The following ACP4 variants were observed in gnomAD, a reference collection of about 807,000 sequenced individuals.
The protein encoded by ACP4 is testicular acid phosphatase.
In ACP4, 49 loss-of-function variants were observed where a neutral mutation model predicts 47.3. The ratio of observed to expected loss-of-function variants is 1.04; its 90% CI spans 0.82 to 1.32. The LOEUF (loss-of-function observed/expected upper bound fraction) is 1.32. Among genes scored for constraint, ACP4 ranks in the 40% most tolerant of loss-of-function variants. ACP4 has a pLI of 0.00. For synonymous variants in ACP4, 299 were observed against 265.3 expected (o/e 1.13, Z -1.23); for missense variants, 594 against 579.3 (o/e 1.03, Z -0.26).
Position 50,793,787 on chromosome 19 carries a change from G to A in ACP4, c.749G>A (p.Arg250Gln), listed in dbSNP as rs749031762. Residue 250 changes from arginine (R) to glutamine (Q), a missense_variant, in exon 7 of 11, where the codon CGG (arginine) becomes CAG (glutamine). Coordinates refer to ENST00000270593, the MANE Select transcript of ACP4 (RefSeq NM_033068.3). Reference protein sequence around the residue: ...LDIGAHVGPPRAAEKAQLTGG... With the variant: ...LDIGAHVGPPQAAEKAQLTGG... ...ATTGGAGCCCACGTGGGCCCACCCC[G>A]GGCAGCAGAGAAGGCCCAGCTGACA... 13 of 1,613,910 alleles carry A rather than the reference G, an allele frequency of 8.1e-6. No homozygotes were observed. Among genetic ancestry groups the A allele is most frequent in the Non-Finnish European group, 1.0e-5 (12 of 1,180,026 alleles).
In ACP4 at chr19:50,792,250, G is replaced by A; in HGVS notation, c.558G>A (p.Leu186=). Residue 186 remains leucine (L), a synonymous_variant, in exon 6 of 11, where the codon CTG becomes CTA. Coordinates refer to ENST00000270593, the MANE Select transcript of ACP4 (RefSeq NM_033068.3). ...QEALEGWTGF[L]SRLENFTGLS... ...CAGCCCCGCGCATCCAGGGCTTCCTGAGTCGCCTGGAGAACTTCACGGGAC... is the reference window on the plus strand; with the variant it reads ...CAGCCCCGCGCATCCAGGGCTTCCTAAGTCGCCTGGAGAACTTCACGGGAC... 1 of 1,613,280 alleles carries A rather than the reference G, an allele frequency of 6.2e-7. No homozygotes were observed. Among genetic ancestry groups the A allele is most frequent in the Non-Finnish European group, 8.5e-7 (1 of 1,179,992 alleles).
intron 8 of ACP4, 100 bp downstream of exon 8, chr19:50,794,070 CCCA>C: frequency 7.2e-7 from 1 of 1,386,346 alleles, no homozygotes; most frequent in Non-Finnish European, 1.0e-6. Flanking sequence ...TGGATCTCAG[CCCA>C]CTGCCTGGGG....
At position 50,790,438 on chromosome 19, in the gene ACP4, C is replaced by T. The variant is rs372848757; in HGVS notation, c.24C>T (p.Gly8=). Residue 8 remains glycine, a synonymous_variant, in exon 1 of 11, where the codon GGC becomes GGT. Transcript: ENST00000270593. MAGLGFW[G]HPAGPLLLLL... is the part of the protein sequence containing the mutation. ...AAATGGCCGGCCTGGGGTTTTGGGG[C>T]CACCCTGCTGGACCTCTCCTGCTGC... is the stretch of plus-strand genomic sequence containing the variant. 16 of 1,587,394 alleles carry T rather than the reference C, an allele frequency of 1.0e-5. No individual in the cohort carries two copies. The highest frequency in any genetic ancestry group is 1.4e-5 in the Non-Finnish European group (16 of 1,170,386).
At chr19:50,794,329 GGGA>G in intron 8 of ACP4, 125 bp from the exon 9 acceptor site, 1 of 1,342,796 alleles carries the variant, frequency 7.4e-7, no homozygotes, top group Non-Finnish European at 1.0e-6. Context: ...CCTTCAGGAT[GGGA>G]GGAAGGAGTA....
chr19:50,790,449 G>C lies in ACP4; in HGVS notation c.35G>C (p.Gly12Ala). The change falls in exon 1 of 11, where the codon GGA becomes GCA. Residue 12 changes from glycine to alanine, a missense_variant. Transcript: ENST00000270593. ...AGLGFWGHPAGPLLLLLLLVL... is the reference protein window; with the variant it reads ...AGLGFWGHPAAPLLLLLLLVL... ...CTGGGGTTTTGGGGCCACCCTGCTG[G>C]ACCTCTCCTGCTGCTGCTGCTGCTG... The C allele has an allele frequency of 6.3e-7, 1 of 1,585,276 alleles. No homozygotes were observed. The highest frequency in any genetic ancestry group is 8.6e-7 in the Non-Finnish European group (1 of 1,169,144).
chr19:50,791,528 G>C (rs1300677552), intron 3 of ACP4, 128 bp from the exon 4 acceptor site: 1 of 1,357,064 alleles, frequency 7.4e-7, no homozygotes. Flanking sequence ...TTCCAACTTC[G>C]AAGGCCACAT....
Position 50,790,832 on chromosome 19 carries a change from T to A in ACP4, c.275T>A (p.Phe92Tyr). The stretch of plus-strand genomic sequence containing the variant: ...TTCCTGAGGAGCCGCTACGAGGCCT[T>A]CCTGAGTCCGGAGTACCGGCGGGAG... ...GRFLRSRYEA[F>Y]LSPEYRREEV... is the part of the protein sequence containing the mutation. The change falls in exon 3 of 11, where the codon TTC (phenylalanine) becomes TAC (tyrosine). Residue 92 changes from phenylalanine (F) to tyrosine (Y), a missense_variant. Phe to Tyr is a conservative substitution (Grantham distance 22). Transcript: ENST00000270593. 1.3e-6 allele frequency: 2 copies of A among 1,548,912 alleles called. No homozygotes were observed. The highest frequency in any genetic ancestry group is 1.7e-6 in the Non-Finnish European group (2 of 1,146,774).
rs1250517754 is a variant in ACP4, at chr19:50,791,708, A to G, written c.356A>G (p.Asn119Ser). 6.2e-7 allele frequency: 1 copy of G among 1,613,298 alleles called. No individual in the cohort carries two copies. Among genetic ancestry groups the G allele is most frequent in the South Asian group, 1.1e-5 (1 of 91,080 alleles). Reference sequence around the variant, plus strand: ...CGCACGCTGGAGAGTGCCCAGGCCAACCTTGCCGGGCTGTTTCCCGAGGCT... The same window carrying G: ...CGCACGCTGGAGAGTGCCCAGGCCAGCCTTGCCGGGCTGTTTCCCGAGGCT... ...FDRTLESAQA[N>S]LAGLFPEAAP... The change falls in exon 4 of 11, where the codon AAC becomes AGC. Residue 119 changes from asparagine to serine, a missense_variant. Physicochemically the swap from Asn to Ser is conservative, Grantham distance 46 (BLOSUM62 1). Coordinates refer to ENST00000270593, the MANE Select transcript of ACP4 (RefSeq NM_033068.3).
Position 50,790,795 on chromosome 19 carries a change from G to C in ACP4, c.238G>C (p.Glu80Gln). The change falls in exon 3 of 11, where the codon GAG becomes CAG. Residue 80 changes from glutamate to glutamine, a missense_variant. Coordinates refer to ENST00000270593, the MANE Select transcript of ACP4 (RefSeq NM_033068.3). Reference protein sequence around the residue: ...LTTEGVRQQLELGRFLRSRYE... With the variant: ...LTTEGVRQQLQLGRFLRSRYE... ...CCAGGAGGGGGTCCGCCAGCAGCTG[G>C]AGCTGGGCCGCTTCCTGAGGAGCCG... 2.6e-6 allele frequency: 4 copies of C among 1,548,416 alleles called. No homozygotes were observed. Among genetic ancestry groups the C allele is most frequent in the Non-Finnish European group, 3.5e-6 (4 of 1,146,736 alleles).
chr19:50,795,020 C>T (rs757186864), intron 10 of ACP4, 23 bp from the exon 11 acceptor site: 3 of 1,612,646 alleles, frequency 1.9e-6, no homozygotes, highest in Admixed American at 1.7e-5. Context: ...CTGGCACTCA[C>T]CCCCCGCGTG....
chr19:50,792,282 T>C lies in ACP4; in HGVS notation c.590T>C (p.Leu197Pro). 1.9e-6 allele frequency: 3 copies of C among 1,613,474 alleles called. No individual in the cohort carries two copies. The highest frequency in any genetic ancestry group is 2.5e-6 in the Non-Finnish European group (3 of 1,179,992). Reference sequence around the variant, plus strand: ...CTGGAGAACTTCACGGGACTGTCGCTGGTTGGAGAGCCACTGCGCAGGGCA... The same window carrying C: ...CTGGAGAACTTCACGGGACTGTCGCCGGTTGGAGAGCCACTGCGCAGGGCA... ...SRLENFTGLS[L>P]VGEPLRRAWK... Residue 197 changes from leucine to proline, a missense_variant, in exon 6 of 11, where the codon CTG becomes CCG. Coordinates refer to ENST00000270593, the MANE Select transcript of ACP4 (RefSeq NM_033068.3).
intron 6 of ACP4, 71 bp from the exon 7 acceptor site, chr19:50,793,613 C>A: frequency 6.3e-6 from 10 of 1,579,866 alleles, no homozygotes; most frequent in Non-Finnish European, 8.6e-6. Flanking sequence ...GAGCAGGGGG[C>A]AGCACAGGCC....
rs563521940 is a variant in ACP4, at chr19:50,794,770, T to C, written c.987-16T>C. The stretch of plus-strand genomic sequence containing the variant: ...TGACAGGAGGGAGGAGGTGCCACCA[T>C]GTCCTCTCTCTCCAGGAATGTCACC... On this transcript the variant is annotated splice_polypyrimidine_tract_variant and intron_variant, in intron 9 of 10. Transcript: ENST00000270593. The C allele has an allele frequency of 2.1e-5, 33 of 1,586,656 alleles. No individual in the cohort carries two copies. The South Asian group carries it at 2.8e-4, about 13-fold the overall frequency.
Position 50,794,750 on chromosome 19 carries a change from G to A in ACP4, c.987-36G>A, listed in dbSNP as rs189255370. 1.3e-4 allele frequency: 200 copies of A among 1,575,876 alleles called. No individual in the cohort carries two copies. In the African/African-American group the frequency reaches 2.3e-3, roughly 18 times the overall value. On this transcript the variant is annotated intron_variant, in intron 9 of 10. Coordinates refer to ENST00000270593, the MANE Select transcript of ACP4 (RefSeq NM_033068.3). ...TCTCCAGGCTTTAAGATCAATGACAGGAGGGAGGAGGTGCCACCATGTCCT... is the reference window on the plus strand; with the variant it reads ...TCTCCAGGCTTTAAGATCAATGACAAGAGGGAGGAGGTGCCACCATGTCCT...
chr19:50,790,514 T>C lies in ACP4; in HGVS notation c.100T>C (p.Phe34Leu). 6.5e-7 allele frequency: 1 copy of C among 1,548,660 alleles called. No homozygotes were observed. ...GGCCCTGCCAGAAGGACCCCTGGTG[T>C]TCGTGGCTCTGGTGAGGCGCCCCCA... is the stretch of plus-strand genomic sequence containing the variant. ...PRALPEGPLVFVALVFRHGDR... is the reference protein window; with the variant it reads ...PRALPEGPLVLVALVFRHGDR... The change falls in exon 1 of 11, where the codon TTC becomes CTC. Residue 34 changes from phenylalanine to leucine, a missense_variant. Physicochemically the swap from Phe to Leu is conservative, Grantham distance 22 (BLOSUM62 0). Transcript: ENST00000270593.
chr19:50,790,769 C>T lies in ACP4; in HGVS notation c.217-5C>T. 1 of 1,547,246 alleles carries T rather than the reference C, an allele frequency of 6.5e-7. No homozygotes were observed. The highest frequency in any genetic ancestry group is 8.7e-7 in the Non-Finnish European group (1 of 1,146,438). On this transcript the variant is annotated splice_polypyrimidine_tract_variant and splice_region_variant and intron_variant, in intron 2 of 10. Transcript: ENST00000270593. ...AGTGGTAGGCTGAGGCTGTTCTGTC[C>T]CCAGGAGGGGGTCCGCCAGCAGCTG...
Position 50,790,595 on chromosome 19 carries a change from T to C in ACP4, c.113T>C (p.Val38Ala). 1 of 1,549,866 alleles carries C rather than the reference T, an allele frequency of 6.5e-7. No individual in the cohort carries two copies. The highest frequency in any genetic ancestry group is 8.7e-7 in the Non-Finnish European group (1 of 1,147,294). Reference sequence around the variant, plus strand: ...AGCCCTGACCAGTCCTGTCCCCAGGTATTCCGCCATGGCGACCGGGCCCCG... The same window carrying C: ...AGCCCTGACCAGTCCTGTCCCCAGGCATTCCGCCATGGCGACCGGGCCCCG... ...PEGPLVFVAL[V>A]FRHGDRAPLA... is the part of the protein sequence containing the mutation. Residue 38 changes from valine (V) to alanine (A), a missense_variant and splice_region_variant, in exon 2 of 11, where the codon GTA (valine) becomes GCA (alanine). By Grantham distance (64) the Val-to-Ala change is moderately conservative (BLOSUM62 0). Coordinates refer to ENST00000270593, the MANE Select transcript of ACP4 (RefSeq NM_033068.3).
At position 50,790,561 on chromosome 19, in the gene ACP4, C is replaced by T. The variant is rs2089492641; in HGVS notation, c.112-33C>T. 1.9e-6 allele frequency: 3 copies of T among 1,541,090 alleles called. No homozygotes were observed. The South Asian group carries it at 3.6e-5, about 18-fold the overall frequency. ...CCCACCCCGGCCTGCCCTTAGCTCC[C>T]CCAGGGCTAGCCCTGACCAGTCCTG... On this transcript the variant is annotated intron_variant, in intron 1 of 10. Transcript: ENST00000270593.
At position 50,795,139 on chromosome 19, in the gene ACP4, C is replaced by A. The variant is rs1568466324; in HGVS notation, c.1262C>A (p.Ala421Asp). Residue 421 changes from alanine (A) to aspartate (D), a missense_variant, in exon 11 of 11, where the codon GCC becomes GAC. Ala to Asp is a moderately radical substitution (Grantham distance 126). Coordinates refer to ENST00000270593, the MANE Select transcript of ACP4 (RefSeq NM_033068.3). ...GCCTGGAGACCAGGGTGCCTGCGGG[C>A]CTTGGGGGGCCCCGTGTGAGCCAGA... ...LLAWRPGCLR[A>D]LGGPV 3.9e-6 allele frequency: 6 copies of A among 1,550,466 alleles called. No homozygotes were observed. The highest frequency in any genetic ancestry group is 5.2e-6 in the Non-Finnish European group (6 of 1,150,644).
Sources: allele counts gnomAD v4.1 joint callset, GRCh38; gene constraint gnomAD v4.1.1; transcripts MANE v1.5; gene names NCBI Gene and HGNC (gene_info 2026-07-23, HGNC 2026-07-21).